The following UNC13C variants were observed in gnomAD, a reference collection of about 807,000 sequenced individuals.
UNC13C encodes protein unc-13 homolog C.
UNC13C carries 174 observed loss-of-function variants against 245.4 expected under a neutral mutation model. The observed-to-expected ratio is 0.71, with a 90% CI of 0.63 to 0.80. UNC13C has a LOEUF of 0.80. Ranked by LOEUF, UNC13C falls within the 30% of genes least tolerant of loss-of-function variation. The probability of loss-of-function intolerance (pLI) is 0.00; values close to 1 mark genes in which losing one functional copy is unlikely to be tolerated. For missense variants in UNC13C, 2,829 were observed against 2,602.9 expected, an observed-to-expected ratio of 1.09 and a Z score of -1.89; for synonymous variants, 992 against 895.1, an observed-to-expected ratio of 1.11 and a Z score of -1.93.
intron 4 of UNC13C, among the ~76,000 whole-genome samples, chr15:54,221,216 A>G (rs2035215060): frequency 6.6e-6 from 1 of 152,092 alleles, no homozygotes; most frequent in African/African-American, 2.4e-5. Flanking sequence ...CTAAGAAGGC[A>G]TAGTGTCATA....
the UNC13C span, among the ~76,000 whole-genome samples, chr15:53,927,179 C>T: frequency 6.6e-6 from 1 of 152,150 alleles, no homozygotes. Flanking sequence ...AGTTAAGTAA[C>T]ACTCCCAAGA....
intron 4 of UNC13C, among the ~76,000 whole-genome samples, chr15:54,160,844 A>G (rs912321164): frequency 2.0e-5 from 3 of 152,188 alleles, no homozygotes; most frequent in Non-Finnish European, 2.9e-5. Flanking sequence ...TCTAATATCT[A>G]TATCTCTAAT....
intron 30 of UNC13C, among the ~76,000 whole-genome samples, chr15:54,605,784 G>C (rs181958465): frequency 6.6e-6 from 1 of 152,174 alleles, no homozygotes; most frequent in Non-Finnish European, 1.5e-5. Flanking sequence ...TGTATTGCTC[G>C]ATCGCTTAAA....
intron 30 of UNC13C, among the ~76,000 whole-genome samples, chr15:54,575,474 GA>G (rs1897918388): frequency 6.6e-6 from 1 of 151,656 alleles, no homozygotes; most frequent in African/African-American, 2.4e-5. Context: ...ACCCTTTTCT[GA>G]AATGGTTCAC....
chr15:54,213,214 T>G, intron 4 of UNC13C, among the ~76,000 whole-genome samples: 1 of 152,104 alleles, frequency 6.6e-6, no homozygotes, highest in East Asian at 1.9e-4. Flanking sequence ...GGTTATACCC[T>G]ATAAATATAT....
intron 2 of UNC13C, among the ~76,000 whole-genome samples, chr15:54,029,175 C>G (rs1896249866): frequency 6.6e-6 from 1 of 152,166 alleles, no homozygotes; most frequent in African/African-American, 2.4e-5. Flanking sequence ...TGAAACTGGA[C>G]TTAGCATTAA....
chr15:54,338,272 G>A (rs2038641617), intron 16 of UNC13C, 89 bp from the exon 17 acceptor site: 3 of 1,378,568 alleles, frequency 2.2e-6, no homozygotes, highest in Admixed American at 2.2e-5. Flanking sequence ...TCGACTGAAA[G>A]TATTTATTGA....
chr15:54,303,048 A>G (rs1262037914), intron 13 of UNC13C, among the ~76,000 whole-genome samples: 1 of 152,162 alleles, frequency 6.6e-6, no homozygotes, highest in East Asian at 1.9e-4. Flanking sequence ...GTGAAAAAAA[A>G]ATAAGAAACC....
chr15:54,041,362 A>G (rs1316301451), intron 2 of UNC13C, among the ~76,000 whole-genome samples: 3 of 152,196 alleles, frequency 2.0e-5, no homozygotes, highest in African/African-American at 7.2e-5. Context: ...TATAAATAAC[A>G]CTTCTCTGTA....
At chr15:54,221,268 A>G (rs1169558367) in intron 4 of UNC13C, among the ~76,000 whole-genome samples, 2 of 151,980 alleles carry the variant, frequency 1.3e-5, no homozygotes, top group Non-Finnish European at 2.9e-5. Flanking sequence ...AATAATGAAG[A>G]GAGATGGTGT....
chr15:54,605,122 A>G (rs1899695249), intron 30 of UNC13C, among the ~76,000 whole-genome samples: 1 of 152,168 alleles, frequency 6.6e-6, no homozygotes, highest in Non-Finnish European at 1.5e-5. Context: ...TGGGTAGTAA[A>G]GCTGGAGGGA....
At chr15:53,933,872 G>A in the UNC13C span, among the ~76,000 whole-genome samples, 3 of 152,120 alleles carry the variant, frequency 2.0e-5, no homozygotes, top group Non-Finnish European at 4.4e-5. Flanking sequence ...GATGTGTTAG[G>A]CCATTCTTGC....
At chr15:54,041,610 G>A (rs150685682) in intron 2 of UNC13C, among the ~76,000 whole-genome samples, 2,898 of 152,272 alleles carry the variant, frequency 0.019, 29 homozygotes, top group South Asian at 0.07. Context: ...GGAGATAATT[G>A]TCTTGGATTT....
chr15:54,612,816 G>T (rs1566939415), intron 30 of UNC13C, among the ~76,000 whole-genome samples: 1 of 151,894 alleles, frequency 6.6e-6, no homozygotes, highest in Non-Finnish European at 1.5e-5. Context: ...CACCTTATTA[G>T]ACTTTGAGAT....
chr15:54,117,788 C>CCAGCT (rs2030375543), intron 2 of UNC13C, among the ~76,000 whole-genome samples: 3 of 152,032 alleles, frequency 2.0e-5, no homozygotes, highest in African/African-American at 7.2e-5. Flanking sequence ...GCCATGTTGC[C>CCAGCT]CAGGCTGGTC....
At chr15:53,905,699 T>C in the UNC13C span, among the ~76,000 whole-genome samples, 1 of 152,092 alleles carries the variant, frequency 6.6e-6, no homozygotes, top group African/African-American at 2.4e-5. Context: ...GGAGCTCTAA[T>C]GTCCAGTAAG....
chr15:54,103,437 C>G (rs909514655), intron 2 of UNC13C, among the ~76,000 whole-genome samples: 1 of 152,168 alleles, frequency 6.6e-6, no homozygotes, highest in African/African-American at 2.4e-5. Context: ...AAATGCATAG[C>G]TGGTCATATG....
Position 54,232,094 on chromosome 15 carries a change from C to T in UNC13C, c.3072-2936C>T, listed in dbSNP as rs553177832. Among the ~76,000 whole-genome samples the T allele has an allele frequency of 3.9e-5, 6 of 151,976 alleles. No homozygotes were observed. In the East Asian group the frequency reaches 5.8e-4, roughly 15 times the overall value. ...TGAGGTCAGTAAGGTAGACTGTTTTCGAAGTCATGGTTTGTGATAAAATTT... is the reference window on the plus strand; with the variant it reads ...TGAGGTCAGTAAGGTAGACTGTTTTTGAAGTCATGGTTTGTGATAAAATTT... On this transcript the variant is annotated intron_variant, in intron 4 of 32. Coordinates refer to ENST00000260323, the MANE Select transcript of UNC13C (RefSeq NM_001080534.3).
the UNC13C span, among the ~76,000 whole-genome samples, chr15:53,904,052 T>G: frequency 6.6e-6 from 1 of 152,184 alleles, no homozygotes. Context: ...CTAATAATTT[T>G]TAATTGGTTG....
Sources: gnomAD v4.1 joint callset for allele counts (sites outside exome capture counted in the v4.1 genomes callset) on GRCh38, gnomAD v4.1.1 for gene constraint, MANE v1.5 for transcripts, NCBI Gene and HGNC (gene_info 2026-07-23, HGNC 2026-07-21) for gene names.